SYN1: variants seen among roughly 807,000 people sequenced by gnomAD.
The protein encoded by SYN1 is synapsin-1.
Under a neutral mutation model 44.6 loss-of-function variants are expected in SYN1, and 8 were observed. The observed-to-expected ratio is 0.18, with a 90% confidence interval of 0.11 to 0.32. The LOEUF is 0.32. Among genes scored for constraint, SYN1 ranks in the 10% least tolerant of loss-of-function variants. SYN1 has a pLI of 1.00. For missense variants in SYN1, 451 were observed against 639.4 expected (o/e 0.71, Z 3.18); for synonymous variants, 275 against 280.1 (o/e 0.98, Z 0.18).
rs1458636086 is a variant in SYN1, at chrX:47,575,261, G to T, written c.1172C>A (p.Ser391Tyr). The change falls in exon 10 of 13, where the codon TCC (serine) becomes TAC (tyrosine). Residue 391 changes from serine to tyrosine, a missense_variant. Ser to Tyr is a moderately radical substitution (Grantham distance 144, BLOSUM62 -2). Coordinates refer to ENST00000295987, the MANE Select transcript of SYN1 (RefSeq NM_006950.3). Reference protein sequence around the residue: ...RDHIIEVVGSSMPLIGDHQDE... With the variant: ...RDHIIEVVGSYMPLIGDHQDE... ...CTGGTGGTCACCAATGAGCGGCATG[G>T]AGGAACCCACCACCTGGGGGAAGGA... is the stretch of plus-strand genomic sequence containing the variant. 2 of 1,209,355 alleles carry T rather than the reference G, an allele frequency of 1.7e-6. No individual in the cohort carries two copies. Among genetic ancestry groups the T allele is most frequent in the Non-Finnish European group, 2.2e-6 (2 of 894,550 alleles).
At chrX:47,585,519 T>C (rs2057820539) in intron 5 of SYN1, 2 of 1,196,727 alleles carry the variant, frequency 1.7e-6, no homozygotes, top group Non-Finnish European at 2.3e-6. Context: ...TGCTTGTCGG[T>C]CCCCGCCCCG....
intron 5 of SYN1, among the ~76,000 whole-genome samples, chrX:47,600,020 A>C (rs1479243582): frequency 1.8e-5 from 2 of 112,543 alleles, no homozygotes; most frequent in African/African-American, 6.4e-5. Context: ...TAAATGGTCA[A>C]TCCATCAAGA....
intron 12 of SYN1, 27 bp downstream of exon 12, chrX:47,573,975 C>T (rs1369708226): frequency 9.1e-7 from 1 of 1,103,329 alleles, no homozygotes; most frequent in Non-Finnish European, 1.2e-6. Context: ...AGCAGCAAGG[C>T]GAAGGCTGCT....
intron 5 of SYN1, among the ~76,000 whole-genome samples, chrX:47,583,082 A>C (rs1603056229): frequency 1.2e-4 from 7 of 59,016 alleles, no homozygotes; most frequent in African/African-American, 3.5e-4. Flanking sequence ...CAAATTCCTC[A>C]CCCCCAAACT....
At chrX:47,596,126 C>T (rs1480779575) in intron 5 of SYN1, among the ~76,000 whole-genome samples, 1 of 111,912 alleles carries the variant, frequency 8.9e-6, no homozygotes, top group Non-Finnish European at 1.9e-5. Flanking sequence ...GGTTGGAGTT[C>T]CTCCAAAATC....
intron 10 of SYN1, 22 bp downstream of exon 10, chrX:47,575,106 A>G: frequency 8.5e-7 from 1 of 1,183,231 alleles, no homozygotes; most frequent in Non-Finnish European, 1.1e-6. Flanking sequence ...TCAAGCCACT[A>G]GCTCAGCGCC....
chrX:47,578,485 C>G (rs1396971833), intron 5 of SYN1, among the ~76,000 whole-genome samples: 3 of 111,835 alleles, frequency 2.7e-5, no homozygotes, highest in Non-Finnish European at 1.9e-5. Flanking sequence ...TAGACACACA[C>G]ACAACATGCC....
intron 12 of SYN1, 40 bp from the exon 13 acceptor site, chrX:47,573,039 A>AGAGGAAGGG (rs746151162): frequency 1.1e-4 from 136 of 1,201,232 alleles, no homozygotes; most frequent in Non-Finnish European, 1.4e-4. Context: ...GGAAGGGGGA[A>AGAGGAAGGG]GAGGAAGGGG....
intron 5 of SYN1, chrX:47,586,330 C>T (rs1021586724): frequency 1.3e-6 from 1 of 752,686 alleles, no homozygotes; most frequent in Non-Finnish European, 1.6e-6. Context: ...CACTGATTTA[C>T]TGGCTTACTG....
chrX:47,619,473 G>C lies in SYN1; in HGVS notation c.256C>G (p.Gln86Glu). The C allele has an allele frequency of 8.3e-7, 1 of 1,197,830 alleles. No homozygotes were observed. The highest frequency in any genetic ancestry group is 1.1e-6 in the Non-Finnish European group (1 of 893,289). The change falls in exon 1 of 13, where the codon CAG (glutamine) becomes GAG (glutamate). Residue 86 changes from glutamine to glutamate, a missense_variant. Gln to Glu is a conservative substitution (Grantham distance 29). Transcript: ENST00000295987. ...FFSSLSNAVKQTTAAAAATFS... is the reference protein window; with the variant it reads ...FFSSLSNAVKETTAAAAATFS... Reference sequence around the variant, plus strand: ...GTGGCAGCTGCCGCCGCCGTGGTCTGCTTGACCGCGTTGGACAGCGACGAG... The same window carrying C: ...GTGGCAGCTGCCGCCGCCGTGGTCTCCTTGACCGCGTTGGACAGCGACGAG...
intron 5 of SYN1, among the ~76,000 whole-genome samples, chrX:47,580,380 C>T (rs1014675545): frequency 1.8e-5 from 2 of 108,719 alleles, no homozygotes; most frequent in Admixed American, 2.0e-4. Flanking sequence ...CATGTAATCG[C>T]AGCACTTTGG....
chrX:47,605,030 G>A lies in SYN1; in HGVS notation c.722C>T (p.Thr241Ile), dbSNP rs796053399. The A allele has an allele frequency of 4.8e-5, 58 of 1,210,031 alleles. No individual in the cohort carries two copies. The highest frequency in any genetic ancestry group is 6.3e-5 in the Non-Finnish European group (56 of 895,223). Residue 241 changes from threonine to isoleucine, a missense_variant, in exon 5 of 13, where the codon ACA becomes ATA. This residue lies in a region of SYN1 where 315 missense variants were observed against 451.4 expected (regional missense o/e 0.70). Coordinates refer to ENST00000295987, the MANE Select transcript of SYN1 (RefSeq NM_006950.3). ...QMVRLHKKLG[T>I]EEFPLIDQTF... ...CTGATCAATTAGAGGGAATTCTTCTGTCCCCAGTTTCTTATGCAGTCGAAC... is the reference window on the plus strand; with the variant it reads ...CTGATCAATTAGAGGGAATTCTTCTATCCCCAGTTTCTTATGCAGTCGAAC...
intron 5 of SYN1, among the ~76,000 whole-genome samples, chrX:47,590,740 C>T (rs947658214): frequency 9.0e-6 from 1 of 111,241 alleles, no homozygotes; most frequent in African/African-American, 3.3e-5. Flanking sequence ...CCCGCAGCCA[C>T]AGGCGTCCCC....
In SYN1 at chrX:47,611,320, G is replaced by A. The variant is rs192320659; in HGVS notation, c.378-4122C>T. On this transcript the variant is annotated intron_variant, in intron 1 of 12. Coordinates refer to ENST00000295987, the MANE Select transcript of SYN1 (RefSeq NM_006950.3). ...GTGTTGGTCTCATCTTATCTCCATC[G>A]AGTTGAGCAGTCTGGCCCCTGGAGA... is the stretch of plus-strand genomic sequence containing the variant. 3.6e-5 allele frequency among the ~76,000 whole-genome samples: 4 copies of A among 111,663 alleles called. No individual in the cohort carries two copies. The East Asian group carries it at 8.5e-4, about 24-fold the overall frequency.
intron 5 of SYN1, among the ~76,000 whole-genome samples, chrX:47,578,630 C>T (rs1364098992): frequency 8.9e-6 from 1 of 111,793 alleles, no homozygotes; most frequent in Non-Finnish European, 1.9e-5. Context: ...TACCTCAAGT[C>T]TCCCCCGCTC....
intron 6 of SYN1, 85 bp from the exon 7 acceptor site, chrX:47,576,725 T>A (rs748944322): frequency 4.4e-6 from 5 of 1,144,927 alleles, no homozygotes; most frequent in Non-Finnish European, 6.0e-6. Context: ...CATGTATACA[T>A]GACACACAGG....
intron 5 of SYN1, among the ~76,000 whole-genome samples, chrX:47,604,160 C>T (rs898202248): frequency 2.7e-5 from 3 of 111,016 alleles, no homozygotes; most frequent in Non-Finnish European, 5.7e-5. Flanking sequence ...CCGCCCACTT[C>T]GGCCTCCCGA....
intron 5 of SYN1, among the ~76,000 whole-genome samples, chrX:47,587,875 C>T (rs1375558655): frequency 2.7e-5 from 3 of 111,170 alleles, no homozygotes; most frequent in Admixed American, 9.6e-5. Flanking sequence ...CTGACCTGAA[C>T]GTGCTTGAAA....
At position 47,573,986 on chromosome X, in the gene SYN1, G is replaced by C; in HGVS notation, c.1982+16C>G. On this transcript the variant is annotated intron_variant, in intron 12 of 12. Transcript: ENST00000295987. ...TGTGAGCAGCAAGGCGAAGGCTGCT[G>C]TAGGGGTCCCCTTACTTGAGCTGGG... The C allele has an allele frequency of 8.9e-7, 1 of 1,124,306 alleles. No homozygotes were observed. Among genetic ancestry groups the C allele is most frequent in the East Asian group, 3.5e-5 (1 of 28,307 alleles). 92.7% of individuals were successfully genotyped at this position (1,124,306 alleles called of 1,213,427 possible).
Sources: allele counts gnomAD v4.1 joint callset (sites outside exome capture counted in the v4.1 genomes callset), GRCh38; gene constraint gnomAD v4.1.1; regional missense constraint gnomAD v4.1.1; transcripts MANE v1.5; gene names NCBI Gene and HGNC (gene_info 2026-07-23, HGNC 2026-07-21).